Variants in PIWIL3 observed in about 807,000 individuals in gnomAD.
The protein encoded by PIWIL3 is piwi-like protein 3.
Under a neutral mutation model 109.7 loss-of-function variants are expected in PIWIL3, and 101 were observed. The observed-to-expected ratio is 0.92, with a 90% CI of 0.78 to 1.09. PIWIL3 has a LOEUF of 1.09. Among genes scored for constraint, PIWIL3 ranks in the 50% least tolerant of loss-of-function variants. PIWIL3 has a pLI of 0.00. For synonymous variants in PIWIL3, 373 were observed against 376.4 expected (o/e 0.99, Z 0.10); for missense variants, 1,031 against 1,072.6 (o/e 0.96, Z 0.54).
intron 1 of PIWIL3, among the ~76,000 whole-genome samples, chr22:24,772,532 G>A (rs1027925717): frequency 1.3e-5 from 2 of 152,190 alleles, no homozygotes; most frequent in African/African-American, 4.8e-5. Context: ...GAGCCAATCT[G>A]TGCAAAGAGC....
intron 2 of PIWIL3, chr22:24,761,955 A>G (rs2147719289): frequency 2.0e-6 from 2 of 987,202 alleles, no homozygotes; most frequent in South Asian, 4.7e-5. Context: ...CAGCGCCACT[A>G]TGGATCCTGC....
At position 24,734,647 on chromosome 22, in the gene PIWIL3, T is replaced by G. The variant is rs540482142; in HGVS notation, c.1635-491A>C. 9.9e-5 allele frequency among the ~76,000 whole-genome samples: 15 copies of G among 151,908 alleles called. No individual in the cohort carries two copies. The East Asian group carries it at 2.9e-3, about 30-fold the overall frequency. ...CCCAGTCACAGGAGGGTCCCCACAG[T>G]TTTGAGAGTTTTACCTCTAGGAGCT... is the stretch of plus-strand genomic sequence containing the variant. On this transcript the variant is annotated intron_variant, in intron 13 of 20. Coordinates refer to ENST00000616349, the MANE Select transcript of PIWIL3 (RefSeq NM_001255975.1).
chr22:24,732,934 TCTAATC>T (rs142722668), intron 14 of PIWIL3, among the ~76,000 whole-genome samples: 3,317 of 152,310 alleles, frequency 0.022, 105 homozygotes, highest in African/African-American at 0.076. Context: ...TTACTCTGAT[TCTAATC>T]CTAGAACAGG....
chr22:24,771,290 G>A (rs1223238883), intron 1 of PIWIL3, among the ~76,000 whole-genome samples: 4 of 151,690 alleles, frequency 2.6e-5, no homozygotes, highest in Admixed American at 6.6e-5. Flanking sequence ...ATGAAACCCC[G>A]TCTCTACTAA....
intron 1 of PIWIL3, among the ~76,000 whole-genome samples, chr22:24,773,401 C>T (rs1926235348): frequency 6.6e-6 from 1 of 152,170 alleles, no homozygotes. Context: ...CGGCAGGACC[C>T]CCTCCTGAGC....
At chr22:24,773,060 G>A (rs1569116096) in intron 1 of PIWIL3, among the ~76,000 whole-genome samples, 1 of 152,166 alleles carries the variant, frequency 6.6e-6, no homozygotes, top group Non-Finnish European at 1.5e-5. Flanking sequence ...CACTGCCCCA[G>A]TCCCCAGGGC....
intron 12 of PIWIL3, among the ~76,000 whole-genome samples, chr22:24,743,102 T>C (rs1924105848): frequency 6.6e-6 from 1 of 151,880 alleles, no homozygotes; most frequent in Non-Finnish European, 1.5e-5. Flanking sequence ...TCAAAGGATA[T>C]ACAAATGGCC....
At chr22:24,773,895 C>T (rs9608335) in intron 1 of PIWIL3, among the ~76,000 whole-genome samples, 65,871 of 151,352 alleles carry the variant, frequency 0.44, 14,580 homozygotes, top group East Asian at 0.59. Context: ...TGGTATTTTT[C>T]GTAGAGACGG....
intron 14 of PIWIL3, among the ~76,000 whole-genome samples, chr22:24,730,336 C>A (rs185360380): frequency 2.2e-5 from 3 of 137,936 alleles, no homozygotes; most frequent in Admixed American, 1.6e-4. Context: ...TACACTCCAG[C>A]CTGGGTGACA....
At chr22:24,760,608 C>T (rs577593833) in intron 2 of PIWIL3, among the ~76,000 whole-genome samples, 94 of 151,714 alleles carry the variant, frequency 6.2e-4, no homozygotes, top group African/African-American at 1.6e-3. Flanking sequence ...GAGAAACCCC[C>T]GTCTCTACTA....
At chr22:24,726,756 AT>A (rs1409544516) in intron 16 of PIWIL3, among the ~76,000 whole-genome samples, 1 of 152,190 alleles carries the variant, frequency 6.6e-6, no homozygotes, top group South Asian at 2.1e-4. Context: ...AAACAATATT[AT>A]CATATTGAAG....
At chr22:24,768,904 C>A (rs552518720) in intron 1 of PIWIL3, among the ~76,000 whole-genome samples, 2 of 152,324 alleles carry the variant, frequency 1.3e-5, no homozygotes, top group African/African-American at 4.8e-5. Flanking sequence ...CAGCCTTGGC[C>A]ATGAGACAAG....
intron 12 of PIWIL3, among the ~76,000 whole-genome samples, chr22:24,738,021 G>A (rs1265523902): frequency 2.0e-5 from 3 of 152,102 alleles, no homozygotes; most frequent in Admixed American, 6.6e-5. Context: ...CTGTGGTGGT[G>A]GGCGCTGTAA....
At position 24,724,963 on chromosome 22, in the gene PIWIL3, C is replaced by T. The variant is rs771560941; in HGVS notation, c.2155G>A (p.Asp719Asn). Residue 719 changes from aspartate (D) to asparagine (N), a missense_variant, in exon 18 of 21, where the codon GAT becomes AAT. Asp to Asn is a conservative substitution (Grantham distance 23). Coordinates refer to ENST00000616349, the MANE Select transcript of PIWIL3 (RefSeq NM_001255975.1). Reference sequence around the variant, plus strand: ...TCAAGCAATGCTTGAAGCTGACCATCTCCCACTCCATCCCGATACACAATA... The same window carrying T: ...TCAAGCAATGCTTGAAGCTGACCATTTCCCACTCCATCCCGATACACAATA... ...SVIVYRDGVG[D>N]GQLQALLDHE... 1 of 1,614,204 alleles carries T rather than the reference C, an allele frequency of 6.2e-7. No individual in the cohort carries two copies. The highest frequency in any genetic ancestry group is 1.1e-5 in the South Asian group (1 of 91,086).
At chr22:24,732,454 A>G (rs1569098856) in intron 14 of PIWIL3, among the ~76,000 whole-genome samples, 2 of 152,238 alleles carry the variant, frequency 1.3e-5, no homozygotes, top group Non-Finnish European at 2.9e-5. Context: ...GGATGAATAA[A>G]TGAGTAAATG....
At chr22:24,743,853 C>T (rs933504423) in intron 12 of PIWIL3, among the ~76,000 whole-genome samples, 3 of 151,838 alleles carry the variant, frequency 2.0e-5, no homozygotes, top group Non-Finnish European at 4.4e-5. Context: ...AAAAAGCAAA[C>T]GACAAATTTA....
At chr22:24,720,259 GTTTT>G (rs56087060) in intron 19 of PIWIL3, among the ~76,000 whole-genome samples, 20 of 105,522 alleles carry the variant, frequency 1.9e-4, no homozygotes, top group East Asian at 5.8e-4. Flanking sequence ...TATTTAAACT[GTTTT>G]TTTTTTTTTT....
intron 1 of PIWIL3, among the ~76,000 whole-genome samples, chr22:24,771,233 C>G (rs971307692): frequency 6.6e-6 from 1 of 151,882 alleles, no homozygotes; most frequent in South Asian, 2.1e-4. Context: ...GAGGCTGAGG[C>G]GAGCGAATCA....
At chr22:24,744,027 A>G (rs1924164225) in intron 12 of PIWIL3, among the ~76,000 whole-genome samples, 1 of 151,814 alleles carries the variant, frequency 6.6e-6, no homozygotes. Flanking sequence ...AGAGAAAATC[A>G]CCTTCACTAA....
Sources: allele counts gnomAD v4.1 joint callset (sites outside exome capture counted in the v4.1 genomes callset), GRCh38; gene constraint gnomAD v4.1.1; transcripts MANE v1.5; gene names NCBI Gene and HGNC (gene_info 2026-07-23, HGNC 2026-07-21).